The following ADAM29 variants were observed in gnomAD, a reference collection of about 807,000 sequenced individuals.
The protein encoded by ADAM29 is disintegrin and metalloproteinase domain-containing protein 29.
For missense variants in ADAM29, 969 were observed against 1,001.8 expected, an observed-to-expected ratio of 0.97 and a Z score of 0.44; for synonymous variants, 367 against 342.3, an observed-to-expected ratio of 1.07 and a Z score of -0.80.
Position 174,977,855 on chromosome 4 carries a change from G to A in ADAM29, c.2330G>A (p.Ser777Asn). ...QSQPRVMPSQ[S>N]QPPVMPSQSH... ...CAACCTCGGGTGATGCCTTCTCAGA[G>A]TCAACCTCCTGTGATGCCTTCCCAG... The change falls in exon 5 of 5, where the codon AGT becomes AAT. Residue 777 changes from serine to asparagine, a missense_variant. Ser to Asn is a conservative substitution (Grantham distance 46). Transcript: ENST00000359240. 5.0e-6 allele frequency: 8 copies of A among 1,587,094 alleles called. No individual in the cohort carries two copies. The highest frequency in any genetic ancestry group is 4.2e-5 in the African/African-American group (3 of 71,806).
chr4:174,953,543 C>T (rs990383397), intron 4 of ADAM29, among the ~76,000 whole-genome samples: 18 of 152,132 alleles, frequency 1.2e-4, no homozygotes, highest in African/African-American at 3.9e-4. Flanking sequence ...AGACACAAAA[C>T]TGGCCCAGAT....
chr4:174,930,374 TC>T (rs1743792285), intron 2 of ADAM29, among the ~76,000 whole-genome samples: 1 of 152,162 alleles, frequency 6.6e-6, no homozygotes, highest in South Asian at 2.1e-4. Flanking sequence ...GTCTCTTCAT[TC>T]TTGTCTCTGA....
At chr4:174,920,886 G>T (rs1379688082) in intron 2 of ADAM29, 94 bp downstream of exon 2, 2 of 152,044 alleles carry the variant, frequency 1.3e-5, no homozygotes, top group South Asian at 2.1e-4. Context: ...AACTCTAATG[G>T]TTCCTAAGAA....
chr4:174,976,387 C>A lies in ADAM29; in HGVS notation c.862C>A (p.Leu288Ile). ...TPRMQHDTSH[L>I]FTTLGLRGLS... Reference sequence around the variant, plus strand: ...CCGGATGCAACATGACACCTCACATCTTTTCACAACTCTAGGATTAAGAGG... The same window carrying A: ...CCGGATGCAACATGACACCTCACATATTTTCACAACTCTAGGATTAAGAGG... The change falls in exon 5 of 5, where the codon CTT becomes ATT. Residue 288 changes from leucine (L) to isoleucine (I), a missense_variant. By Grantham distance (5) the Leu-to-Ile change is conservative. Coordinates refer to ENST00000359240, the MANE Select transcript of ADAM29 (RefSeq NM_014269.4). 1 of 1,598,790 alleles carries A rather than the reference C, an allele frequency of 6.3e-7. No homozygotes were observed. The highest frequency in any genetic ancestry group is 8.5e-7 in the Non-Finnish European group (1 of 1,174,044).
intron 4 of ADAM29, among the ~76,000 whole-genome samples, chr4:174,960,191 G>C (rs536701266): frequency 1.3e-5 from 2 of 151,954 alleles, no homozygotes; most frequent in East Asian, 3.9e-4. Context: ...TGCTCACTTA[G>C]TGTTTTCTCG....
chr4:174,946,257 C>CTATT (rs1442926798), intron 4 of ADAM29, among the ~76,000 whole-genome samples: 3 of 151,966 alleles, frequency 2.0e-5, no homozygotes, highest in Non-Finnish European at 4.4e-5. Flanking sequence ...ACTTTTTTGG[C>CTATT]TATTATGAAT....
At chr4:174,923,525 G>GTATATATA (rs58980378) in intron 2 of ADAM29, among the ~76,000 whole-genome samples, 20 of 96,690 alleles carry the variant, frequency 2.1e-4, no homozygotes, top group South Asian at 9.6e-4. Context: ...TGCATTATAT[G>GTATATATA]TATATATATA....
chr4:174,940,070 T>G (rs896060862), intron 4 of ADAM29, among the ~76,000 whole-genome samples: 1 of 152,068 alleles, frequency 6.6e-6, no homozygotes, highest in Non-Finnish European at 1.5e-5. Flanking sequence ...AGGGTAGATT[T>G]TATATAGTTA....
Position 174,976,087 on chromosome 4 carries a change from A to C in ADAM29, c.562A>C (p.Ser188Arg), listed in dbSNP as rs1579089060. The change falls in exon 5 of 5, where the codon AGT becomes CGT. Residue 188 changes from serine (S) to arginine (R), a missense_variant. By Grantham distance (110) the Ser-to-Arg change is moderately radical. Transcript: ENST00000359240. ...EEIDNSTQKQ[S>R]SYVGWWIHFR... The stretch of plus-strand genomic sequence containing the variant: ...AATTGATAATTCCACTCAGAAGCAA[A>C]GTTCTTATGTGGGCTGGTGGATCCA... 1 of 1,610,986 alleles carries C rather than the reference A, an allele frequency of 6.2e-7. No individual in the cohort carries two copies. The highest frequency in any genetic ancestry group is 8.5e-7 in the Non-Finnish European group (1 of 1,179,414).
At chr4:174,972,410 G>A (rs1746527336) in intron 4 of ADAM29, among the ~76,000 whole-genome samples, 1 of 152,088 alleles carries the variant, frequency 6.6e-6, no homozygotes, top group South Asian at 2.1e-4. Context: ...TGTGATTTTT[G>A]TCTACTCCTC....
At chr4:174,944,396 C>A (rs1744718820) in intron 4 of ADAM29, among the ~76,000 whole-genome samples, 1 of 152,166 alleles carries the variant, frequency 6.6e-6, no homozygotes, top group African/African-American at 2.4e-5. Flanking sequence ...ACTCCCCAAG[C>A]TGTTGATGTC....
chr4:174,966,618 T>A (rs1245209385), intron 4 of ADAM29, among the ~76,000 whole-genome samples: 1 of 152,138 alleles, frequency 6.6e-6, no homozygotes, highest in East Asian at 1.9e-4. Flanking sequence ...GTTAATCCTG[T>A]CTGGTTTGAT....
At chr4:174,930,085 T>C (rs537408201) in intron 2 of ADAM29, among the ~76,000 whole-genome samples, 6 of 152,080 alleles carry the variant, frequency 3.9e-5, no homozygotes, top group South Asian at 4.1e-4. Flanking sequence ...CCTGCCACCA[T>C]GCCCGGCTCA....
rs558392226 is a variant in ADAM29, at chr4:174,938,862, A to G, written c.-181+1849A>G. 3.3e-5 allele frequency among the ~76,000 whole-genome samples: 5 copies of G among 152,040 alleles called. No individual in the cohort carries two copies. The South Asian group carries it at 8.3e-4, about 25-fold the overall frequency. ...GCAGGGAAAAGCTCCCTCTGAAGAGACTCTGGGGCAGAATTCTTCCTTGAA... is the reference window on the plus strand; with the variant it reads ...GCAGGGAAAAGCTCCCTCTGAAGAGGCTCTGGGGCAGAATTCTTCCTTGAA... On this transcript the variant is annotated intron_variant, in intron 4 of 4. Coordinates refer to ENST00000359240, the MANE Select transcript of ADAM29 (RefSeq NM_014269.4).
In ADAM29 at chr4:174,975,485, C is replaced by T; in HGVS notation, c.-41C>T. The T allele has an allele frequency of 6.7e-7, 1 of 1,493,740 alleles. No individual in the cohort carries two copies. Among genetic ancestry groups the T allele is most frequent in the South Asian group, 1.4e-5 (1 of 70,174 alleles). 92.5% of individuals were successfully genotyped at this position (1,493,740 alleles called of 1,614,324 possible). The stretch of plus-strand genomic sequence containing the variant: ...CTGCTCTGGACCAGTGTTTCCATAA[C>T]AGGGACTTCAAAATCACTGTGATTT... On this transcript the variant is annotated 5_prime_UTR_variant, in exon 5 of 5. Coordinates refer to ENST00000359240, the MANE Select transcript of ADAM29 (RefSeq NM_014269.4).
In ADAM29 at chr4:174,977,364, G is replaced by T; in HGVS notation, c.1839G>T (p.Arg613Ser). 1 of 1,613,570 alleles carries T rather than the reference G, an allele frequency of 6.2e-7. No individual in the cohort carries two copies. Among genetic ancestry groups the T allele is most frequent in the Non-Finnish European group, 8.5e-7 (1 of 1,180,024 alleles). The change falls in exon 5 of 5, where the codon AGG becomes AGT. Residue 613 changes from arginine (R) to serine (S), a missense_variant. Physicochemically the swap from Arg to Ser is moderately radical, Grantham distance 110 (BLOSUM62 -1). Coordinates refer to ENST00000359240, the MANE Select transcript of ADAM29 (RefSeq NM_014269.4). ...GGATAGATCATATATGCATCCACAG[G>T]CACTGTGTCCATATAACCATCTTGA... ...ECGIDHICIH[R>S]HCVHITILNS...
intron 2 of ADAM29, among the ~76,000 whole-genome samples, chr4:174,923,445 C>T (rs537393625): frequency 6.7e-6 from 1 of 149,710 alleles, no homozygotes; most frequent in African/African-American, 2.5e-5. Flanking sequence ...CTGTTAGGAG[C>T]TGTTTCTTCA....
chr4:174,960,916 C>G (rs1745777689), intron 4 of ADAM29, among the ~76,000 whole-genome samples: 1 of 152,164 alleles, frequency 6.6e-6, no homozygotes, highest in Non-Finnish European at 1.5e-5. Context: ...AGAGCCCAGT[C>G]TACCTGAGTC....
chr4:174,944,578 T>C (rs185283909), intron 4 of ADAM29, among the ~76,000 whole-genome samples: 10 of 152,302 alleles, frequency 6.6e-5, no homozygotes, highest in Admixed American at 4.6e-4. Context: ...GTTTGTTGCA[T>C]AGGCAAACTG....
Sources: gnomAD v4.1 joint callset for allele counts (sites outside exome capture counted in the v4.1 genomes callset) on GRCh38, gnomAD v4.1.1 for gene constraint, MANE v1.5 for transcripts, NCBI Gene and HGNC (gene_info 2026-07-23, HGNC 2026-07-21) for gene names.